CNTN4: variants seen among roughly 807,000 people sequenced by gnomAD.
The protein encoded by CNTN4 is contactin 4.
Under a neutral mutation model 122.5 loss-of-function variants are expected in CNTN4, and 77 were observed. That is an observed-to-expected ratio of 0.63 (90% CI 0.52 to 0.76). CNTN4 has a LOEUF of 0.76. Ranked by LOEUF, CNTN4 falls within the 30% of genes least tolerant of loss-of-function variation. The pLI is 0.00. For missense variants in CNTN4, 1,256 were observed against 1,259.1 expected (o/e 1.00, Z 0.04); for synonymous variants, 512 against 447.0 (o/e 1.15, Z -1.83).
intron 2 of CNTN4, among the ~76,000 whole-genome samples, chr3:2,193,277 T>C (rs2037672731): frequency 6.6e-6 from 1 of 152,060 alleles, no homozygotes; most frequent in Non-Finnish European, 1.5e-5. Context: ...TGTGGACTGA[T>C]CTGGCCCTGA....
chr3:2,584,939 A>AGATC (rs2080119448), intron 4 of CNTN4, among the ~76,000 whole-genome samples: 1 of 152,020 alleles, frequency 6.6e-6, no homozygotes, highest in Non-Finnish European at 1.5e-5. Context: ...ATAGATAGAT[A>AGATC]GATAGACAGA....
intron 4 of CNTN4, among the ~76,000 whole-genome samples, chr3:2,613,648 A>G (rs950591309): frequency 4.6e-5 from 7 of 152,172 alleles, no homozygotes; most frequent in African/African-American, 1.7e-4. Context: ...TTTTTGCTAT[A>G]TGATCAGAGT....
At chr3:2,265,068 G>T (rs142975311) in intron 2 of CNTN4, among the ~76,000 whole-genome samples, 1 of 151,852 alleles carries the variant, frequency 6.6e-6, no homozygotes, top group African/African-American at 2.4e-5. Context: ...ATGCCTTTGC[G>T]CCCCCATAGC....
chr3:2,482,136 A>G (rs1202056073), intron 3 of CNTN4, among the ~76,000 whole-genome samples: 3 of 152,206 alleles, frequency 2.0e-5, no homozygotes, highest in Non-Finnish European at 4.4e-5. Context: ...GGAACTTCCT[A>G]GAGACTTGTT....
chr3:2,819,403 T>C (rs758924059), intron 6 of CNTN4, 83 bp from the exon 7 acceptor site: 52 of 1,085,008 alleles, frequency 4.8e-5, no homozygotes, highest in Non-Finnish European at 7.1e-5. Flanking sequence ...AGCAGAATGA[T>C]TCTCTTTTGA....
In CNTN4 at chr3:2,923,630, C is replaced by G. The variant is rs574251998; in HGVS notation, c.1208-1999C>G. On this transcript the variant is annotated intron_variant, in intron 12 of 24. Transcript: ENST00000418658. ...GAGTGCTTATTGCGTAATTCTCAATCTTTCTGCAATTTGCACTTATTTCAT... is the reference window on the plus strand; with the variant it reads ...GAGTGCTTATTGCGTAATTCTCAATGTTTCTGCAATTTGCACTTATTTCAT... Among the ~76,000 whole-genome samples, 12 of 152,332 alleles carry G rather than the reference C, an allele frequency of 7.9e-5. No individual in the cohort carries two copies. The South Asian group carries it at 2.5e-3, about 32-fold the overall frequency.
intron 3 of CNTN4, among the ~76,000 whole-genome samples, chr3:2,529,567 C>CTA (rs2149219304): frequency 6.6e-6 from 1 of 152,186 alleles, no homozygotes; most frequent in East Asian, 1.9e-4. Flanking sequence ...GTATTACTTA[C>CTA]TATATACAAA....
Position 2,840,647 on chromosome 3 carries a change from C to A in CNTN4, c.454+21066C>A, listed in dbSNP as rs1188054976. On this transcript the variant is annotated intron_variant, in intron 7 of 24. Transcript: ENST00000418658. Reference sequence around the variant, plus strand: ...CCGGGAGGCGGAGCTTGCAGTGAGCCAAGATCACACCACTGCACTCCAGCC... The same window carrying A: ...CCGGGAGGCGGAGCTTGCAGTGAGCAAAGATCACACCACTGCACTCCAGCC... 1.2e-3 allele frequency among the ~76,000 whole-genome samples: 163 copies of A among 141,048 alleles called. 3 individuals carry two copies. The highest frequency in any genetic ancestry group is 3.7e-3 in the African/African-American group (146 of 39,210). The allele number at this position is 141,048 out of a possible 152,430, so 92.5% of individuals were successfully genotyped here.
intron 3 of CNTN4, among the ~76,000 whole-genome samples, chr3:2,535,057 T>A (rs2077748131): frequency 6.6e-6 from 1 of 152,192 alleles, no homozygotes; most frequent in African/African-American, 2.4e-5. Context: ...GGGCATAGCT[T>A]ATGTCCCATT....
At chr3:3,023,933 T>C (rs1010375931) in intron 14 of CNTN4, among the ~76,000 whole-genome samples, 3 of 152,224 alleles carry the variant, frequency 2.0e-5, no homozygotes, top group South Asian at 2.1e-4. Flanking sequence ...AGACAATATC[T>C]TAATGACTCT....
At position 2,736,164 on chromosome 3, in the gene CNTN4, TC is replaced by T. The variant is rs576434831; in HGVS notation, c.56-49del. ...TTATGTTGTTGTTTCCTGTTGTTGT[TC>T]CTATTTGGAAGGGATTCTTCATTTT... On this transcript the variant is annotated intron_variant, in intron 4 of 24. Coordinates refer to ENST00000418658, the MANE Select transcript of CNTN4 (RefSeq NM_175607.3). 2.2e-4 allele frequency: 342 copies of T among 1,578,928 alleles called. 3 individuals carry two copies. In the South Asian group the frequency reaches 3.5e-3, roughly 16 times the overall value.
intron 4 of CNTN4, among the ~76,000 whole-genome samples, chr3:2,645,889 A>T (rs1242011831): frequency 6.6e-6 from 1 of 152,230 alleles, no homozygotes; most frequent in African/African-American, 2.4e-5. Context: ...TGAGACATAC[A>T]TGCACAGAAA....
At chr3:2,202,374 T>C (rs1011514814) in intron 2 of CNTN4, among the ~76,000 whole-genome samples, 11 of 152,242 alleles carry the variant, frequency 7.2e-5, no homozygotes, top group African/African-American at 2.7e-4. Flanking sequence ...GTATTTGTTC[T>C]AATTTCAGCC....
At chr3:2,684,031 T>C (rs1365072015) in intron 4 of CNTN4, among the ~76,000 whole-genome samples, 1 of 152,180 alleles carries the variant, frequency 6.6e-6, no homozygotes, top group East Asian at 1.9e-4. Flanking sequence ...GGGTTTAATC[T>C]GATTAGGAAT....
chr3:2,254,769 G>A (rs913540725), intron 2 of CNTN4, among the ~76,000 whole-genome samples: 5 of 151,956 alleles, frequency 3.3e-5, no homozygotes, highest in Non-Finnish European at 5.9e-5. Context: ...TAAATTCCTT[G>A]TATATTCTGG....
chr3:2,275,834 C>G (rs2041483550), intron 2 of CNTN4, among the ~76,000 whole-genome samples: 1 of 148,102 alleles, frequency 6.8e-6, no homozygotes, highest in Admixed American at 6.8e-5. Flanking sequence ...TCAGGAGAAT[C>G]ACGTGAACCT....
At chr3:2,303,000 A>G (rs1364904855) in intron 2 of CNTN4, among the ~76,000 whole-genome samples, 1 of 152,170 alleles carries the variant, frequency 6.6e-6, no homozygotes, top group Non-Finnish European at 1.5e-5. Context: ...AACAGCTTAT[A>G]TTTATTGTGT....
intron 6 of CNTN4, among the ~76,000 whole-genome samples, chr3:2,783,244 T>C (rs9841563): frequency 0.85 from 129,656 of 152,056 alleles, 56,114 homozygotes; most frequent in East Asian, 0.93. Flanking sequence ...AGCCATACCA[T>C]GTCACTGCAC....
At chr3:2,409,536 T>A (rs575396626) in intron 3 of CNTN4, among the ~76,000 whole-genome samples, 17 of 152,150 alleles carry the variant, frequency 1.1e-4, no homozygotes, top group Non-Finnish European at 2.5e-4. Context: ...CGTGAGCCAC[T>A]GTGCTCGGCC....
Sources: allele counts gnomAD v4.1 joint callset (sites outside exome capture counted in the v4.1 genomes callset), GRCh38; gene constraint gnomAD v4.1.1; transcripts MANE v1.5; gene names NCBI Gene and HGNC (gene_info 2026-07-23, HGNC 2026-07-21).